The following OR7C1 variants were observed in gnomAD, a reference collection of about 807,000 sequenced individuals.
OR7C1 encodes olfactory receptor 7C1.
For synonymous variants in OR7C1, 152 were observed against 160.7 expected (o/e 0.95, Z 0.41); for missense variants, 324 against 383.3 (o/e 0.85, Z 1.29).
At chr19:14,798,872 A>G (rs759284000) in exon 5 of OR7C1, 73 of 237,448 alleles carry the variant, frequency 3.1e-4, no homozygotes, top group Admixed American at 8.0e-4. Flanking sequence ...GCCCTTTTCT[A>G]TTGGCGCAGC....
At chr19:14,815,961 A>G (rs2044714567) in intron 1 of OR7C1, among the ~76,000 whole-genome samples, 1 of 152,068 alleles carries the variant, frequency 6.6e-6, no homozygotes, top group African/African-American at 2.4e-5. Context: ...AGCTGGGACT[A>G]CAGGAACATG....
At chr19:14,805,501 C>T (rs182340697) in intron 2 of OR7C1, among the ~76,000 whole-genome samples, 8 of 150,050 alleles carry the variant, frequency 5.3e-5, no homozygotes, top group African/African-American at 7.4e-5. Context: ...CTGCAACCTC[C>T]GCCTACTGGG....
At chr19:14,815,166 A>G (rs1175855133) in intron 1 of OR7C1, among the ~76,000 whole-genome samples, 4 of 152,216 alleles carry the variant, frequency 2.6e-5, no homozygotes, top group Non-Finnish European at 5.9e-5. Flanking sequence ...TTGATTGGGC[A>G]AGAGACTGAT....
At chr19:14,823,224 G>A (rs144245584) in intron 1 of OR7C1, among the ~76,000 whole-genome samples, 103 of 152,126 alleles carry the variant, frequency 6.8e-4, no homozygotes, top group African/African-American at 2.3e-3. Context: ...AGGCTGAGAC[G>A]GTCAGATCAC....
At chr19:14,831,854 A>G (rs946008869) in intron 1 of OR7C1, among the ~76,000 whole-genome samples, 1 of 152,104 alleles carries the variant, frequency 6.6e-6, no homozygotes, top group African/African-American at 2.4e-5. Context: ...TGCCCAGACC[A>G]TATTACATAT....
At chr19:14,818,727 C>T (rs1490627946) in intron 1 of OR7C1, among the ~76,000 whole-genome samples, 3 of 151,966 alleles carry the variant, frequency 2.0e-5, no homozygotes, top group African/African-American at 4.8e-5. Flanking sequence ...TTTATAGATG[C>T]GCTTGGGGTG....
In OR7C1 at chr19:14,801,241, C is replaced by T. The variant is rs1394348479; in HGVS notation, c.-434-477G>A. Among the ~76,000 whole-genome samples the T allele has an allele frequency of 4.6e-5, 7 of 152,178 alleles. No homozygotes were observed. The East Asian group carries it at 1.3e-3, about 29-fold the overall frequency. ...CAGGAGCTCAATAACTATGCTTTTT[C>T]CCCCTGCTATCTGCATGGAGTTGAT... is the stretch of plus-strand genomic sequence containing the variant. On this transcript the variant is annotated intron_variant, in intron 2 of 4. Coordinates refer to ENST00000641666, the Ensembl canonical transcript of OR7C1.
chr19:14,800,382 G>T (rs1330362816), exon 4 of OR7C1: 1 of 435,654 alleles, frequency 2.3e-6, no homozygotes, highest in African/African-American at 2.0e-5. Context: ...GCTTCTCAAA[G>T]TGTTGTCCAT....
chr19:14,821,153 G>A (rs985483894), intron 1 of OR7C1, among the ~76,000 whole-genome samples: 3 of 152,170 alleles, frequency 2.0e-5, no homozygotes, highest in Non-Finnish European at 2.9e-5. Flanking sequence ...CAGGAGAATC[G>A]TTTGAACCTG....
rs537222863 is a variant in OR7C1, at chr19:14,811,037, G to C, written c.-622-1044C>G. The stretch of plus-strand genomic sequence containing the variant: ...GGCAAACATTTTTGTAAAGGGCTCA[G>C]TGGTACATATTTTAGGCTTTTTGGG... On this transcript the variant is annotated intron_variant, in intron 1 of 4. Transcript: ENST00000641666. 4.6e-5 allele frequency among the ~76,000 whole-genome samples: 7 copies of C among 152,002 alleles called. No individual in the cohort carries two copies. In the East Asian group the frequency reaches 1.4e-3, roughly 29 times the overall value.
intron 1 of OR7C1, chr19:14,825,963 G>A (rs1274248269): frequency 6.6e-6 from 1 of 152,112 alleles, no homozygotes; most frequent in African/African-American, 2.4e-5. Flanking sequence ...TTTGGCATTT[G>A]TTCTAATACT....
exon 5 of OR7C1, chr19:14,799,575 C>T (rs372687477): frequency 1.5e-5 from 25 of 1,614,126 alleles, no homozygotes; most frequent in African/African-American, 5.3e-5. Flanking sequence ...TCAGAACAGG[C>T]GAGCTTCAGG....
chr19:14,827,894 G>A (rs1176128055), intron 1 of OR7C1: 36 of 1,614,042 alleles, frequency 2.2e-5, no homozygotes, highest in South Asian at 9.9e-5. Context: ...AGGCCATCAC[G>A]GACAGGAGGA....
At chr19:14,833,466 G>A (rs1055401171) in intron 1 of OR7C1, among the ~76,000 whole-genome samples, 12 of 152,162 alleles carry the variant, frequency 7.9e-5, no homozygotes, top group South Asian at 2.1e-4. Flanking sequence ...TTGACAGGGC[G>A]AGACTCCGTC....
In OR7C1 at chr19:14,819,576, G is replaced by C. The variant is rs117650248; in HGVS notation, c.-622-9583C>G. On this transcript the variant is annotated intron_variant, in intron 1 of 4. Coordinates refer to ENST00000641666, the Ensembl canonical transcript of OR7C1. ...TTCTTTAACCAGTCTATTGTTGATG[G>C]GCATTTAGGTTGATTCCACGTTTCC... Among the ~76,000 whole-genome samples the C allele has an allele frequency of 1.7e-3, 262 of 152,146 alleles. 1 individual carries two copies. The highest frequency in any genetic ancestry group is 3.2e-3 in the Non-Finnish European group (216 of 68,002).
intron 1 of OR7C1, among the ~76,000 whole-genome samples, chr19:14,813,311 T>C (rs1439471383): frequency 6.6e-6 from 1 of 152,022 alleles, no homozygotes; most frequent in Non-Finnish European, 1.5e-5. Flanking sequence ...TCCCAGCACT[T>C]TGGGAGGCTG....
intron 1 of OR7C1, chr19:14,827,233 T>A: frequency 6.7e-7 from 1 of 1,485,890 alleles, no homozygotes; most frequent in South Asian, 1.5e-5. Context: ...ATTTCCACTA[T>A]CTGATTGAAG....
exon 3 of OR7C1, chr19:14,800,559 C>G (rs2044636619): frequency 6.4e-6 from 1 of 155,538 alleles, no homozygotes; most frequent in East Asian, 1.9e-4. Context: ...TGGGAGTCCT[C>G]AGTGAGGCTT....
chr19:14,829,565 A>T (rs373490817), intron 1 of OR7C1, among the ~76,000 whole-genome samples: 2 of 152,170 alleles, frequency 1.3e-5, no homozygotes, highest in East Asian at 3.9e-4. Flanking sequence ...GGGAATCAGT[A>T]AGACGGAGAG....
Sources: gnomAD v4.1 joint callset for allele counts (sites outside exome capture counted in the v4.1 genomes callset) on GRCh38, gnomAD v4.1.1 for gene constraint, MANE v1.5 for transcripts, NCBI Gene and HGNC (gene_info 2026-07-23, HGNC 2026-07-21) for gene names.